LIMK2: variants seen among roughly 807,000 people sequenced by gnomAD.
LIMK2 encodes LIM domain kinase 2.
In LIMK2, 35 loss-of-function variants were observed where a neutral mutation model predicts 75.7. That is an observed-to-expected ratio of 0.46 (90% confidence interval 0.35 to 0.61). The LOEUF (loss-of-function observed/expected upper bound fraction) is 0.61, where lower values mean the gene tolerates loss of function less well. Ranked by LOEUF, LIMK2 falls within the 20% of genes least tolerant of loss-of-function variation. The pLI, the probability that LIMK2 is intolerant of heterozygous loss-of-function variation, is 0.00. For missense variants in LIMK2, 623 were observed against 831.0 expected, an observed-to-expected ratio of 0.75 and a Z score of 3.08; for synonymous variants, 301 against 319.2, an observed-to-expected ratio of 0.94 and a Z score of 0.61.
chr22:31,256,586 C>T (rs990528943), intron 2 of LIMK2, among the ~76,000 whole-genome samples: 3 of 152,112 alleles, frequency 2.0e-5, no homozygotes, highest in Non-Finnish European at 4.4e-5. Flanking sequence ...GTGATCCACC[C>T]GCCTCGGCCT....
At chr22:31,272,206 G>A (rs183864036) in intron 12 of LIMK2, among the ~76,000 whole-genome samples, 9 of 151,388 alleles carry the variant, frequency 5.9e-5, no homozygotes, top group African/African-American at 1.7e-4. Context: ...GACTACAGGC[G>A]TGTGCCACCA....
intron 1 of LIMK2, among the ~76,000 whole-genome samples, chr22:31,223,021 G>A (rs1025801113): frequency 1.3e-5 from 2 of 152,190 alleles, no homozygotes; most frequent in African/African-American, 4.8e-5. Context: ...CCTTTGTTCC[G>A]TGGACACTGG....
At chr22:31,245,762 G>A (rs888893611) in intron 2 of LIMK2, among the ~76,000 whole-genome samples, 2 of 151,988 alleles carry the variant, frequency 1.3e-5, no homozygotes, top group African/African-American at 4.8e-5. Flanking sequence ...ATTTTTAATG[G>A]TTAGGGGAAA....
In LIMK2 at chr22:31,240,410, G is replaced by A. The variant is rs187192112; in HGVS notation, c.116+14591G>A. ...AGAGATAGCACTTTCATGGAATGAC[G>A]CTATCTTCTAGAATCACTTTTTTTT... On this transcript the variant is annotated intron_variant, in intron 2 of 15. Transcript: ENST00000331728. Among the ~76,000 whole-genome samples, 771 of 150,944 alleles carry A rather than the reference G, an allele frequency of 5.1e-3. 11 individuals carry two copies. The highest frequency in any genetic ancestry group is 0.018 in the African/African-American group (737 of 41,142).
At chr22:31,259,504 G>C (rs2048816892) in intron 4 of LIMK2, among the ~76,000 whole-genome samples, 1 of 152,122 alleles carries the variant, frequency 6.6e-6, no homozygotes, top group Admixed American at 6.5e-5. Context: ...GAACATTAAA[G>C]TCAAAGACCC....
chr22:31,273,330 G>C (rs910765141), intron 13 of LIMK2, 122 bp from the exon 14 acceptor site: 1 of 844,050 alleles, frequency 1.2e-6, no homozygotes, highest in African/African-American at 1.7e-5. Flanking sequence ...ACAGCCTGTG[G>C]GGTGTCCCTA....
chr22:31,213,181 AC>A (rs776619475), intron 1 of LIMK2, among the ~76,000 whole-genome samples: 3 of 151,888 alleles, frequency 2.0e-5, no homozygotes, highest in Non-Finnish European at 2.9e-5. Context: ...TCGGCCAAAC[AC>A]CTCCTGGAAG....
chr22:31,227,152 C>T (rs1311608552), intron 2 of LIMK2, among the ~76,000 whole-genome samples: 1 of 152,218 alleles, frequency 6.6e-6, no homozygotes, highest in Non-Finnish European at 1.5e-5. Flanking sequence ...TCTTTATATT[C>T]TTCACAACGT....
Position 31,271,174 on chromosome 22 carries a change from G to C in LIMK2, c.1356G>C (p.Leu452=), listed in dbSNP as rs747308399. The change falls in exon 12 of 16, where the codon CTG becomes CTC. Residue 452 remains leucine, a synonymous_variant. Transcript: ENST00000331728. Reference sequence around the variant, plus strand: ...CTATGTGCATCATCCACCGGGATCTGAACTCGCACAACTGCCTCATCAAGT... The same window carrying C: ...CTATGTGCATCATCCACCGGGATCTCAACTCGCACAACTGCCTCATCAAGT... ...LHSMCIIHRD[L]NSHNCLIKLD... 10 of 1,613,974 alleles carry C rather than the reference G, an allele frequency of 6.2e-6. No homozygotes were observed. The highest frequency in any genetic ancestry group is 8.5e-6 in the Non-Finnish European group (10 of 1,179,988).
intron 1 of LIMK2, among the ~76,000 whole-genome samples, chr22:31,221,152 A>G (rs2048430172): frequency 6.6e-6 from 1 of 152,160 alleles, no homozygotes; most frequent in African/African-American, 2.4e-5. Context: ...TTGGGACCAC[A>G]TTGTAAGGAC....
intron 2 of LIMK2, among the ~76,000 whole-genome samples, chr22:31,254,883 C>T (rs529241272): frequency 6.6e-6 from 1 of 151,660 alleles, no homozygotes; most frequent in Non-Finnish European, 1.5e-5. Context: ...CACTTGAACT[C>T]GGGAAGCAGA....
intron 12 of LIMK2, among the ~76,000 whole-genome samples, chr22:31,271,628 C>T (rs1381877806): frequency 6.6e-6 from 1 of 152,132 alleles, no homozygotes; most frequent in East Asian, 1.9e-4. Flanking sequence ...TCCCACTGCC[C>T]CTCAGCTGTG....
chr22:31,257,736 T>A (rs577232971), intron 2 of LIMK2, among the ~76,000 whole-genome samples: 1 of 152,178 alleles, frequency 6.6e-6, no homozygotes, highest in African/African-American at 2.4e-5. Context: ...GTTATTCTTA[T>A]AGAATAACCC....
rs2048823583 is a variant in LIMK2 at position 31,260,069 on chromosome 22, A to G, written c.543A>G (p.Gln181=). 1.3e-6 allele frequency: 2 copies of G among 1,574,068 alleles called. No individual in the cohort carries two copies. Among genetic ancestry groups the G allele is most frequent in the Admixed American group, 2.0e-5 (1 of 50,548 alleles). ...SACSNYATTV[Q]VKEVNRMHIS... ...GCTCCAACTACGCCACCACTGTGCA[A>G]GTGAAAGAGTAAGTATTTTGAGAAC... Residue 181 remains glutamine, a synonymous_variant, in exon 5 of 16, where the codon CAA becomes CAG. Transcript: ENST00000331728.
chr22:31,218,621 G>A (rs760224346), intron 1 of LIMK2, among the ~76,000 whole-genome samples: 4 of 152,224 alleles, frequency 2.6e-5, no homozygotes, highest in Non-Finnish European at 5.9e-5. Flanking sequence ...AGTATCTAGA[G>A]GCATGTTAAT....
intron 5 of LIMK2, among the ~76,000 whole-genome samples, chr22:31,261,557 A>G (rs902366056): frequency 1.6e-4 from 25 of 151,744 alleles, no homozygotes; most frequent in African/African-American, 5.8e-4. Context: ...AAAAAAAAAA[A>G]GAGTTTGGGA....
chr22:31,259,301 G>C (rs1214057759), intron 4 of LIMK2, 71 bp downstream of exon 4: 2 of 895,920 alleles, frequency 2.2e-6, no homozygotes, highest in Non-Finnish European at 3.7e-6. Context: ...GTGGCAGGGT[G>C]AGTTGGGCAG....
chr22:31,268,194 C>T lies in LIMK2; in HGVS notation c.1311C>T (p.Ser437=), dbSNP rs1278254325. ...TCAGGTTTGCCAAAGGAATCGCCTC[C>T]GGAATGGTGAGTCCCACCAACAAAC... ...QKVRFAKGIA[S]GMAYLHSMCI... Residue 437 remains serine (S), a synonymous_variant, in exon 11 of 16, where the codon TCC becomes TCT. Transcript: ENST00000331728. The T allele has an allele frequency of 4.3e-6, 7 of 1,613,480 alleles. No individual in the cohort carries two copies. Among genetic ancestry groups the T allele is most frequent in the East Asian group, 2.2e-5 (1 of 44,898 alleles).
At position 31,278,925 on chromosome 22, in the gene LIMK2, G is replaced by A. The variant is rs2049059061; in HGVS notation, c.*484G>A. ...CTGATGGCTCAAAGGGTGTGAAAAA[G>A]TCAGTGATGCTCCCCCTTTCTACTC... is the stretch of plus-strand genomic sequence containing the variant. On this transcript the variant is annotated 3_prime_UTR_variant, in exon 16 of 16. Transcript: ENST00000331728. The A allele has an allele frequency of 6.5e-6, 1 of 152,688 alleles. No individual in the cohort carries two copies. The highest frequency in any genetic ancestry group is 2.1e-4 in the South Asian group (1 of 4,858). The allele number at this position is 152,688 out of a possible 1,614,324, so 9.5% of individuals were successfully genotyped here. A position where few individuals can be genotyped will look rare whatever the true frequency, so the allele number is the denominator to read the frequency against.
Sources: allele counts gnomAD v4.1 joint callset (sites outside exome capture counted in the v4.1 genomes callset), GRCh38; gene constraint gnomAD v4.1.1; transcripts MANE v1.5; gene names NCBI Gene and HGNC (gene_info 2026-07-23, HGNC 2026-07-21).